MYL7: variants seen among roughly 807,000 people sequenced by gnomAD.
The protein encoded by MYL7 is myosin regulatory light chain 2, atrial isoform.
In MYL7, 27 loss-of-function variants were observed where a neutral mutation model predicts 22.5. The ratio of observed to expected loss-of-function variants is 1.20; its 90% CI spans 0.89 to 1.66. The LOEUF is 1.66. Ranked by LOEUF, MYL7 falls within the 40% of genes most tolerant of loss-of-function variation. MYL7 has a pLI of 0.00. For missense variants in MYL7, 209 were observed against 226.8 expected (o/e 0.92, Z 0.50); for synonymous variants, 81 against 84.4 (o/e 0.96, Z 0.22).
At position 44,139,990 on chromosome 7, in the gene MYL7, T is replaced by G. The variant is rs528549575; in HGVS notation, c.299-130A>C. The G allele has an allele frequency of 5.2e-5, 44 of 839,866 alleles. No individual in the cohort carries two copies. The African/African-American group carries it at 7.3e-4, about 14-fold the overall frequency. 52.0% of individuals were successfully genotyped at this position (839,866 alleles called of 1,614,324 possible). A position where few individuals can be genotyped will look rare whatever the true frequency, so the allele number is the denominator to read the frequency against. On this transcript the variant is annotated intron_variant, in intron 4 of 6. Coordinates refer to ENST00000223364, the MANE Select transcript of MYL7 (RefSeq NM_021223.3). ...TGGGGGTATTCCCTAACATAAAATG[T>G]TTCTCGGGGATCAGTGGGGCTGGGA...
chr7:44,139,365 T>A (rs1395461585), intron 6 of MYL7, 156 bp downstream of exon 6: 29 of 879,742 alleles, frequency 3.3e-5, no homozygotes, highest in Non-Finnish European at 5.2e-5. Context: ...ACTCCACATC[T>A]TTACCCTCTA....
rs1583583875 is a variant in MYL7, at chr7:44,140,584, G to A, written c.193+128C>T. ...GAAGCAAGGCGTGACAAGGGGGGAAGGGCAGTGTGAGGAGACGGGGAGGAG... is the reference window on the plus strand; with the variant it reads ...GAAGCAAGGCGTGACAAGGGGGGAAAGGCAGTGTGAGGAGACGGGGAGGAG... On this transcript the variant is annotated intron_variant, in intron 3 of 6. Transcript: ENST00000223364. 1.1e-5 allele frequency: 13 copies of A among 1,158,222 alleles called. No homozygotes were observed. The East Asian group carries it at 3.3e-4, about 29-fold the overall frequency. 71.7% of individuals were successfully genotyped at this position (1,158,222 alleles called of 1,614,324 possible). A position where few individuals can be genotyped will look rare whatever the true frequency, so the allele number is the denominator to read the frequency against.
chr7:44,140,508 G>T, intron 3 of MYL7, 81 bp from the exon 4 acceptor site: 1 of 1,335,980 alleles, frequency 7.5e-7, no homozygotes, highest in Non-Finnish European at 1.1e-6. Flanking sequence ...CTCCATCCTG[G>T]CCACAGGGGC....
chr7:44,139,937 T>A lies in MYL7; in HGVS notation c.299-77A>T. 5.3e-6 allele frequency: 7 copies of A among 1,314,124 alleles called. No individual in the cohort carries two copies. The South Asian group carries it at 9.7e-5, about 18-fold the overall frequency. 81.4% of individuals were successfully genotyped at this position (1,314,124 alleles called of 1,614,324 possible). A position where few individuals can be genotyped will look rare whatever the true frequency, so the allele number is the denominator to read the frequency against. ...CCCCCGCAGGAGGAACTGGGCTGCA[T>A]GAGGAGCCTCCCACATCCCAGAAGA... On this transcript the variant is annotated intron_variant, in intron 4 of 6. Coordinates refer to ENST00000223364, the MANE Select transcript of MYL7 (RefSeq NM_021223.3).
chr7:44,139,602 G>C (rs374041200), intron 5 of MYL7, 33 bp from the exon 6 acceptor site: 18 of 1,589,910 alleles, frequency 1.1e-5, no homozygotes, highest in African/African-American at 4.0e-5. Context: ...GCAGGAGACT[G>C]CGGGGGAGTG....
chr7:44,140,440 G>T lies in MYL7; in HGVS notation c.194-13C>A, dbSNP rs770372940. On this transcript the variant is annotated splice_polypyrimidine_tract_variant and intron_variant, in intron 3 of 6. Coordinates refer to ENST00000223364, the MANE Select transcript of MYL7 (RefSeq NM_021223.3). ...ACACTCACCTTCCCTGGTGGGGGTG[G>T]GGCATGAGGTGCACACAGGGACCCT... The T allele has an allele frequency of 4.4e-6, 7 of 1,607,638 alleles. No individual in the cohort carries two copies. In the Admixed American group the frequency reaches 1.2e-4, roughly 27 times the overall value.
intron 1 of MYL7, 114 bp from the exon 2 acceptor site, chr7:44,141,188 T>C: frequency 6.3e-7 from 1 of 1,578,024 alleles, no homozygotes; most frequent in East Asian, 2.2e-5. Flanking sequence ...CAGGATCCTC[T>C]TCCTCTCCCT....
chr7:44,141,177 C>A (rs2096265232), intron 1 of MYL7, 103 bp from the exon 2 acceptor site: 1 of 1,566,532 alleles, frequency 6.4e-7, no homozygotes, highest in Non-Finnish European at 8.8e-7. Context: ...AGAGCCAGGG[C>A]CAGGATCCTC....
chr7:44,140,223 T>C (rs1347683615), intron 4 of MYL7, 100 bp downstream of exon 4: 3 of 973,672 alleles, frequency 3.1e-6, no homozygotes, highest in Non-Finnish European at 4.8e-6. Context: ...GTGGGGTTCA[T>C]GTAAGGTTCA....
At position 44,139,769 on chromosome 7, in the gene MYL7, G is replaced by T; in HGVS notation, c.377+13C>A. The T allele has an allele frequency of 2.5e-6, 4 of 1,612,450 alleles. No homozygotes were observed. Among genetic ancestry groups the T allele is most frequent in the Non-Finnish European group, 3.4e-6 (4 of 1,179,538 alleles). Reference sequence around the variant, plus strand: ...CACCACGGTGCTCCTCATCTGGCTGGGCCCATACTTACTCATCCTTGTTCA... The same window carrying T: ...CACCACGGTGCTCCTCATCTGGCTGTGCCCATACTTACTCATCCTTGTTCA... On this transcript the variant is annotated intron_variant, in intron 5 of 6. Transcript: ENST00000223364.
chr7:44,139,912 C>G (rs764051011), intron 4 of MYL7, 52 bp from the exon 5 acceptor site: 2 of 1,531,166 alleles, frequency 1.3e-6, no homozygotes, highest in Non-Finnish European at 8.8e-7. Context: ...CATCCCAGGT[C>G]CCCCGCAGGA....
intron 6 of MYL7, 48 bp downstream of exon 6, chr7:44,139,473 C>T: frequency 1.2e-6 from 2 of 1,603,840 alleles, no homozygotes; most frequent in Non-Finnish European, 1.7e-6. Context: ...GGGTGAAGGC[C>T]CAGAGAAGGT....
Position 44,140,979 on chromosome 7 carries a change from C to G in MYL7, c.99G>C (p.Gln33His). ...SNVFSMFEQAQIQEFKEAFSC... is the reference protein window; with the variant it reads ...SNVFSMFEQAHIQEFKEAFSC... ...CACTCACTTCTTTGAACTCCTGTAT[C>G]TGGGCTTGTTCAAACATGGAAAAGA... Residue 33 changes from glutamine (Q) to histidine (H), a missense_variant, in exon 2 of 7, where the codon CAG becomes CAC. Transcript: ENST00000223364. 2 of 1,613,924 alleles carry G rather than the reference C, an allele frequency of 1.2e-6. No homozygotes were observed. Among genetic ancestry groups the G allele is most frequent in the Non-Finnish European group, 1.7e-6 (2 of 1,179,922 alleles).
At chr7:44,140,673 G>T in intron 3 of MYL7, 39 bp downstream of exon 3, 1 of 1,561,548 alleles carries the variant, frequency 6.4e-7, no homozygotes, top group South Asian at 1.2e-5. Flanking sequence ...GCTCAGAGTA[G>T]GGACCCCAGT....
intron 4 of MYL7, 36 bp from the exon 5 acceptor site, chr7:44,139,896 C>T: frequency 6.4e-7 from 1 of 1,569,918 alleles, no homozygotes. Context: ...GCATCCATGT[C>T]TCCAGCATCC....
At chr7:44,139,140 T>C (rs913325220) in intron 6 of MYL7, 118 bp from the exon 7 acceptor site, 21 of 751,222 alleles carry the variant, frequency 2.8e-5, no homozygotes, top group African/African-American at 5.2e-5. Context: ...TTGCCTTAGC[T>C]TTTCAACCCT....
intron 3 of MYL7, 124 bp downstream of exon 3, chr7:44,140,588 A>G (rs1041357411): frequency 2.9e-5 from 34 of 1,155,760 alleles, no homozygotes; most frequent in Non-Finnish European, 8.6e-6. Context: ...GGGGAAGGGC[A>G]GTGTGAGGAG....
In MYL7 at chr7:44,138,968, T is replaced by C. The variant is rs369645241; in HGVS notation, c.481A>G (p.Lys161Glu). 2 of 1,614,128 alleles carry C rather than the reference T, an allele frequency of 1.2e-6. No homozygotes were observed. The change falls in exon 7 of 7, where the codon AAG becomes GAG. Residue 161 changes from lysine (K) to glutamate (E), a missense_variant. Physicochemically the swap from Lys to Glu is moderately conservative, Grantham distance 56. Coordinates refer to ENST00000223364, the MANE Select transcript of MYL7 (RefSeq NM_021223.3). Reference protein sequence around the residue: ...PMDLAGNIDYKSLCYIITHGD... With the variant: ...PMDLAGNIDYESLCYIITHGD... ...TGGGTGATGATGTAGCACAGTGACTTGTAGTCGATGTTCCCCGCCAGGTCC... is the reference window on the plus strand; with the variant it reads ...TGGGTGATGATGTAGCACAGTGACTCGTAGTCGATGTTCCCCGCCAGGTCC...
chr7:44,140,276 C>G, intron 4 of MYL7, 47 bp downstream of exon 4: 1 of 1,532,768 alleles, frequency 6.5e-7, no homozygotes, highest in South Asian at 1.1e-5. Flanking sequence ...AGGCAGGGTG[C>G]AGGCTCCCTG....
Sources: allele counts gnomAD v4.1 joint callset, GRCh38; gene constraint gnomAD v4.1.1; transcripts MANE v1.5; gene names NCBI Gene and HGNC (gene_info 2026-07-23, HGNC 2026-07-21).